DHRS11: variants seen among roughly 807,000 people sequenced by gnomAD.
DHRS11 encodes dehydrogenase/reductase 11.
DHRS11 carries 18 observed loss-of-function variants against 30.7 expected under a neutral mutation model. That is an observed-to-expected ratio of 0.59 (90% CI 0.41 to 0.87). The LOEUF is 0.87. DHRS11 is among the 40% of genes least tolerant of loss of function. DHRS11 has a pLI of 0.00. For synonymous variants in DHRS11, 123 were observed against 139.6 expected (o/e 0.88, Z 0.84); for missense variants, 300 against 349.0 (o/e 0.86, Z 1.12).
Position 36,600,353 on chromosome 17 carries a change from T to C in DHRS11, c.*150T>C. 1.2e-6 allele frequency: 1 copy of C among 848,370 alleles called. No homozygotes were observed. The highest frequency in any genetic ancestry group is 1.7e-5 in the South Asian group (1 of 58,710). 52.6% of individuals were successfully genotyped at this position (848,370 alleles called of 1,614,324 possible). A position where few individuals can be genotyped will look rare whatever the true frequency, so the allele number is the denominator to read the frequency against. On this transcript the variant is annotated 3_prime_UTR_variant, in exon 7 of 7. Transcript: ENST00000618403. ...AAATTTGTTTGAGATTTTTATATCA[T>C]CTTGTCAAATTGCTTCAGTTGTAAA...
rs1373585904 is a variant in DHRS11 at position 36,595,020 on chromosome 17, C to G, written c.197C>G (p.Pro66Arg). The stretch of plus-strand genomic sequence containing the variant: ...GCAGGCTACCCCGGGACTTTGATCC[C>G]CTACAGATGTGACCTATCAAATGAA... ...KSAGYPGTLI[P>R]YRCDLSNEED... Residue 66 changes from proline (P) to arginine (R), a missense_variant, in exon 2 of 7, where the codon CCC (proline) becomes CGC (arginine). Transcript: ENST00000618403. 1.9e-6 allele frequency: 3 copies of G among 1,614,190 alleles called. No homozygotes were observed. Among genetic ancestry groups the G allele is most frequent in the Non-Finnish European group, 2.5e-6 (3 of 1,180,032 alleles).
intron 3 of DHRS11, 79 bp downstream of exon 3, chr17:36,598,336 C>A: frequency 7.7e-7 from 1 of 1,304,328 alleles, no homozygotes; most frequent in Non-Finnish European, 1.1e-6. Context: ...CTCTTTGGAC[C>A]TCAGTTTCCT....
intron 4 of DHRS11, chr17:36,599,406 G>A (rs2074837652): frequency 5.2e-6 from 3 of 575,270 alleles, no homozygotes; most frequent in Non-Finnish European, 9.2e-6. Flanking sequence ...CTAAGCCTCG[G>A]CCTTCTCACT....
intron 1 of DHRS11, among the ~76,000 whole-genome samples, chr17:36,593,970 C>A (rs1334429140): frequency 6.6e-6 from 1 of 152,232 alleles, no homozygotes; most frequent in Admixed American, 6.5e-5. Flanking sequence ...TCAGGTCTTT[C>A]TTGGCATGCT....
At chr17:36,596,510 C>A (rs2074812275) in intron 2 of DHRS11, 2 of 198,754 alleles carry the variant, frequency 1.0e-5, no homozygotes, top group Non-Finnish European at 2.1e-5. Flanking sequence ...TATGTGACAC[C>A]CCCCCACTCC....
rs535924331 is a variant in DHRS11 at position 36,592,754 on chromosome 17, C to T, written c.147+598C>T. On this transcript the variant is annotated intron_variant, in intron 1 of 6. Transcript: ENST00000618403. This position sits in a 1 kb window ranked among gnomAD's most constrained non-coding sequence, Gnocchi z 4.4. ...AAGCAACCTGGAACTCCTTACTCTG[C>T]TCTTGACGTGGGGTTGGGAGCCCTC... is the stretch of plus-strand genomic sequence containing the variant. Among the ~76,000 whole-genome samples, 1 of 152,150 alleles carries T rather than the reference C, an allele frequency of 6.6e-6. No individual in the cohort carries two copies. The highest frequency in any genetic ancestry group is 1.5e-5 in the Non-Finnish European group (1 of 68,032).
intron 2 of DHRS11, chr17:36,597,223 T>A (rs1340594030): frequency 8.6e-6 from 2 of 232,134 alleles, no homozygotes; most frequent in Non-Finnish European, 1.7e-5. Flanking sequence ...GGCACCCATC[T>A]CTTCCTACTG....
intron 1 of DHRS11, among the ~76,000 whole-genome samples, chr17:36,593,819 C>G (rs1018411782): frequency 2.0e-4 from 31 of 152,322 alleles, no homozygotes; most frequent in African/African-American, 7.0e-4. Flanking sequence ...CGCCCCTTCC[C>G]CCTCGCCCAC....
At position 36,592,276 on chromosome 17, in the gene DHRS11, G is replaced by C. The variant is rs2074773648; in HGVS notation, c.147+120G>C. ...GGGGCGGCCTCTCGGATCCCTTAAGGCAGGCTTCTCCCTTCCCCTTAAGTC... is the reference window on the plus strand; with the variant it reads ...GGGGCGGCCTCTCGGATCCCTTAAGCCAGGCTTCTCCCTTCCCCTTAAGTC... On this transcript the variant is annotated intron_variant, in intron 1 of 6. Coordinates refer to ENST00000618403, the MANE Select transcript of DHRS11 (RefSeq NM_024308.4). This position sits in a 1 kb window ranked among gnomAD's most constrained non-coding sequence, Gnocchi z 4.4. The C allele has an allele frequency of 1.7e-6, 2 of 1,166,040 alleles. No homozygotes were observed. Among genetic ancestry groups the C allele is most frequent in the East Asian group, 3.2e-5 (1 of 31,064 alleles). 72.2% of individuals were successfully genotyped at this position (1,166,040 alleles called of 1,614,324 possible).
At chr17:36,599,810 A>C in intron 5 of DHRS11, 47 bp downstream of exon 5, 1 of 1,609,350 alleles carries the variant, frequency 6.2e-7, no homozygotes. Context: ...TCCCTAAATG[A>C]AGGCAGAGGG....
chr17:36,592,019 C>A lies in DHRS11; in HGVS notation c.10C>A (p.Pro4Thr). Residue 4 changes from proline (P) to threonine (T), a missense_variant, in exon 1 of 7, where the codon CCC (proline) becomes ACC (threonine). Physicochemically the swap from Pro to Thr is conservative, Grantham distance 38 (BLOSUM62 -1). Coordinates refer to ENST00000618403, the MANE Select transcript of DHRS11 (RefSeq NM_024308.4). The surrounding 1 kb of genome is among the most constrained non-coding windows in gnomAD (Gnocchi z 4.4). MAR[P>T]GMERWRDRLA... ...CGGGCGGCGTGGGCCCATGGCCAGGCCCGGCATGGAGCGGTGGCGCGACCG... is the reference window on the plus strand; with the variant it reads ...CGGGCGGCGTGGGCCCATGGCCAGGACCGGCATGGAGCGGTGGCGCGACCG... The A allele has an allele frequency of 1.6e-6, 2 of 1,228,842 alleles. No individual in the cohort carries two copies. The highest frequency in any genetic ancestry group is 4.1e-5 in the South Asian group (1 of 24,444). The allele number at this position is 1,228,842 out of a possible 1,614,324, so 76.1% of individuals were successfully genotyped here.
intron 2 of DHRS11, chr17:36,596,742 G>A (rs2074814120): frequency 4.3e-6 from 2 of 470,518 alleles, no homozygotes; most frequent in Admixed American, 4.7e-5. Context: ...GGTGATAGTA[G>A]GGTATAAAAG....
chr17:36,595,154 AC>A lies in DHRS11; in HGVS notation c.333del (p.Ser112ValfsTer9). On this transcript the variant is annotated frameshift_variant, in exon 2 of 7. Coordinates refer to ENST00000618403, the MANE Select transcript of DHRS11 (RefSeq NM_024308.4). LOFTEE classifies it high-confidence loss of function. The stretch of plus-strand genomic sequence containing the variant: ...GCCTGACACCCTGCTCTCAGGCAGC[AC>A]CAGTGGTTGGAAGGACATGTTCAAT... ...ARPDTLLSGS[T>X]SGWKDMFNVN... The A allele has an allele frequency of 6.2e-7, 1 of 1,613,806 alleles. No homozygotes were observed. The highest frequency in any genetic ancestry group is 8.5e-7 in the Non-Finnish European group (1 of 1,180,036).
intron 4 of DHRS11, 198 bp downstream of exon 4, chr17:36,599,248 A>T (rs2074836253): frequency 4.6e-6 from 4 of 876,842 alleles, no homozygotes; most frequent in Non-Finnish European, 6.6e-6. Flanking sequence ...CCAGGAGCCA[A>T]CGACCAGACT....
chr17:36,599,485 G>A (rs1428965516), intron 4 of DHRS11, 186 bp from the exon 5 acceptor site: 2 of 613,740 alleles, frequency 3.3e-6, no homozygotes, highest in East Asian at 2.8e-5. Flanking sequence ...ATATAGGAAA[G>A]GCTCTGTAGA....
At chr17:36,597,376 A>G (rs1567842221) in intron 2 of DHRS11, 1 of 158,406 alleles carries the variant, frequency 6.3e-6, no homozygotes, top group Non-Finnish European at 1.4e-5. Flanking sequence ...TGAAAGCTTT[A>G]TCTCTGCTTG....
intron 3 of DHRS11, chr17:36,598,458 C>T (rs2074829098): frequency 3.3e-6 from 2 of 602,314 alleles, no homozygotes; most frequent in Non-Finnish European, 2.9e-6. Flanking sequence ...TAGCCCCTTC[C>T]CTCTACAGCT....
At chr17:36,598,034 G>C (rs2074824902) in intron 2 of DHRS11, 129 bp from the exon 3 acceptor site, 1 of 892,676 alleles carries the variant, frequency 1.1e-6, no homozygotes, top group African/African-American at 1.6e-5. Flanking sequence ...CCTGTGGCTG[G>C]TCTCCGGGGG....
At chr17:36,597,059 T>C (rs948141025) in intron 2 of DHRS11, 1 of 331,224 alleles carries the variant, frequency 3.0e-6, no homozygotes, top group Non-Finnish European at 6.0e-6. Context: ...CATCTTCTCT[T>C]TCCCTGCCCC....
Sources: allele counts gnomAD v4.1 joint callset (sites outside exome capture counted in the v4.1 genomes callset), GRCh38; gene constraint gnomAD v4.1.1; non-coding constraint Gnocchi (gnomAD v3.1); transcripts MANE v1.5; gene names NCBI Gene and HGNC (gene_info 2026-07-23, HGNC 2026-07-21).